CNTN3: variants seen among roughly 807,000 people sequenced by gnomAD.
CNTN3 encodes the protein contactin 3, also known as contactin-3.
A neutral mutation model predicts 119.1 loss-of-function variants in CNTN3; 60 were observed. The ratio of observed to expected loss-of-function variants is 0.50; its 90% CI spans 0.41 to 0.62. The LOEUF (loss-of-function observed/expected upper bound fraction) is 0.62, where lower values mean the gene tolerates loss of function less well. Among genes scored for constraint, CNTN3 ranks in the 20% least tolerant of loss-of-function variants. The pLI, the probability that CNTN3 is intolerant of heterozygous loss-of-function variation, is 0.00. For synonymous variants in CNTN3, 450 were observed against 438.7 expected, an observed-to-expected ratio of 1.03 and a Z score of -0.32; for missense variants, 1,101 against 1,242.4, an observed-to-expected ratio of 0.89 and a Z score of 1.71.
At chr3:74,529,971 GT>G (rs1490652474) in intron 1 of CNTN3, among the ~76,000 whole-genome samples, 1 of 151,724 alleles carries the variant, frequency 6.6e-6, no homozygotes, top group Admixed American at 6.6e-5. Context: ...CTGAAATAGA[GT>G]TTCAACACTG....
intron 5 of CNTN3, among the ~76,000 whole-genome samples, chr3:74,424,190 C>T (rs1442814553): frequency 6.6e-6 from 1 of 152,016 alleles, no homozygotes; most frequent in African/African-American, 2.4e-5. Flanking sequence ...AAAATCAAAC[C>T]AGCACCCCAG....
At chr3:74,326,668 T>A (rs865916222) in intron 13 of CNTN3, among the ~76,000 whole-genome samples, 17 of 152,064 alleles carry the variant, frequency 1.1e-4, no homozygotes, top group Non-Finnish European at 2.5e-4. Flanking sequence ...AAATTTAGAG[T>A]TGATACTATT....
At chr3:74,568,855 G>C (rs1704266113) in intron 1 of CNTN3, among the ~76,000 whole-genome samples, 2 of 152,336 alleles carry the variant, frequency 1.3e-5, no homozygotes, top group South Asian at 4.1e-4. Flanking sequence ...AGCCATTGGT[G>C]AGTTGTCTTG....
At chr3:74,457,553 G>T (rs1463136512) in intron 4 of CNTN3, among the ~76,000 whole-genome samples, 1 of 151,974 alleles carries the variant, frequency 6.6e-6, no homozygotes, top group African/African-American at 2.4e-5. Flanking sequence ...AATGTTATTT[G>T]TAGTATAGCG....
At chr3:74,308,513 T>C (rs916594342) in intron 13 of CNTN3, among the ~76,000 whole-genome samples, 5 of 152,214 alleles carry the variant, frequency 3.3e-5, no homozygotes, top group Non-Finnish European at 7.3e-5. Context: ...AAAAACTTGG[T>C]TGAAGGCACT....
rs77023093 is a variant in CNTN3, at chr3:74,531,638, G to A, written c.-80-10446C>T. Among the ~76,000 whole-genome samples, 612 of 152,084 alleles carry A rather than the reference G, an allele frequency of 4.0e-3. 6 individuals are homozygous for A. Among genetic ancestry groups the A allele is most frequent in the African/African-American group, 0.014 (593 of 41,524 alleles). On this transcript the variant is annotated intron_variant, in intron 1 of 22. Transcript: ENST00000263665. ...AGCACTGGGCCGAGGGAGAAGGTTA[G>A]AGAAACCCAACGGTTAAGGGTGTGA...
chr3:74,450,744 T>C (rs1702137010), intron 4 of CNTN3, among the ~76,000 whole-genome samples: 1 of 145,556 alleles, frequency 6.9e-6, no homozygotes, highest in Non-Finnish European at 1.5e-5. Flanking sequence ...TTCCCACCTA[T>C]GAGTGAGAAT....
At chr3:74,415,894 T>C (rs775722322) in intron 5 of CNTN3, among the ~76,000 whole-genome samples, 2 of 152,074 alleles carry the variant, frequency 1.3e-5, no homozygotes, top group Non-Finnish European at 2.9e-5. Flanking sequence ...AATATCAAAC[T>C]CCCAGGAGAC....
At chr3:74,539,277 G>A (rs1019746179) in intron 1 of CNTN3, among the ~76,000 whole-genome samples, 2 of 152,070 alleles carry the variant, frequency 1.3e-5, no homozygotes, top group African/African-American at 2.4e-5. Context: ...GAATATTGGT[G>A]CTAAGAAATG....
Position 74,295,224 on chromosome 3 carries a change from G to A in CNTN3, c.2414C>T (p.Ala805Val), listed in dbSNP as rs1204050176. The A allele has an allele frequency of 6.3e-7, 1 of 1,595,568 alleles. No homozygotes were observed. The highest frequency in any genetic ancestry group is 8.6e-7 in the Non-Finnish European group (1 of 1,163,646). ...GCTATTTGCAGAGACTTGAGATGGG[G>A]CCACTGTAGGCTCTGTTCGGAAACA... ...VFSAEEEPTV[A>V]PSQVSANSLS... Residue 805 changes from alanine to valine, a missense_variant, in exon 19 of 23, where the codon GCC (alanine) becomes GTC (valine). By Grantham distance (64) the Ala-to-Val change is moderately conservative (BLOSUM62 0). Coordinates refer to ENST00000263665, the MANE Select transcript of CNTN3 (RefSeq NM_020872.3).
chr3:74,319,433 T>C (rs868514475), intron 13 of CNTN3, among the ~76,000 whole-genome samples: 2 of 152,110 alleles, frequency 1.3e-5, no homozygotes, highest in African/African-American at 4.8e-5. Context: ...CCCTATTTAA[T>C]AAATGGTGCT....
chr3:74,318,585 G>A (rs1484598802), intron 13 of CNTN3, among the ~76,000 whole-genome samples: 1 of 152,134 alleles, frequency 6.6e-6, no homozygotes, highest in African/African-American at 2.4e-5. Context: ...TGTTGGAGTT[G>A]GAGTTTGCTA....
intron 1 of CNTN3, among the ~76,000 whole-genome samples, chr3:74,567,345 A>T (rs1704243751): frequency 3.0e-5 from 2 of 67,440 alleles, no homozygotes; most frequent in South Asian, 4.6e-4. Flanking sequence ...TTTTTTGTAG[A>T]GAGGGGGTCT....
Position 74,295,148 on chromosome 3 carries a change from C to T in CNTN3, c.2490G>A (p.Leu830=). Residue 830 remains leucine, a synonymous_variant, in exon 19 of 23, where the codon TTG becomes TTA. Transcript: ENST00000263665. ...CATAGCCCAGTAAATGTCCATTGCT[C>T]AACTTCCAAGGAATGGTGTTCCATG... ...EVSWNTIPWK[L]SNGHLLGYEV... 1 of 1,612,316 alleles carries T rather than the reference C, an allele frequency of 6.2e-7. No individual in the cohort carries two copies. Among genetic ancestry groups the T allele is most frequent in the Middle Eastern group, 1.7e-4 (1 of 6,058 alleles).
intron 13 of CNTN3, among the ~76,000 whole-genome samples, chr3:74,307,550 AGAT>A (rs1702590427): frequency 6.6e-6 from 1 of 152,184 alleles, no homozygotes; most frequent in Non-Finnish European, 1.5e-5. Context: ...GTATTTTCTT[AGAT>A]GATGACACTA....
chr3:74,553,645 A>G (rs1044313282), intron 1 of CNTN3, among the ~76,000 whole-genome samples: 4 of 152,228 alleles, frequency 2.6e-5, no homozygotes, highest in South Asian at 4.1e-4. Context: ...GCGTGAGATG[A>G]TATCTCATTG....
chr3:74,545,663 G>A (rs1703903613), intron 1 of CNTN3, among the ~76,000 whole-genome samples: 1 of 152,140 alleles, frequency 6.6e-6, no homozygotes, highest in African/African-American at 2.4e-5. Flanking sequence ...TCTGATACAG[G>A]ATAATCTTTA....
At chr3:74,530,972 C>T (rs1703685414) in intron 1 of CNTN3, among the ~76,000 whole-genome samples, 1 of 151,962 alleles carries the variant, frequency 6.6e-6, no homozygotes, top group African/African-American at 2.4e-5. Context: ...TAAGCCACTG[C>T]AACAGGATCC....
chr3:74,593,765 G>GCTGCTT (rs1411874865), intron 1 of CNTN3, among the ~76,000 whole-genome samples: 1 of 151,956 alleles, frequency 6.6e-6, no homozygotes, highest in Non-Finnish European at 1.5e-5. Context: ...AATATTAGCT[G>GCTGCTT]CTGCTTTTAT....
Sources: allele counts gnomAD v4.1 joint callset (sites outside exome capture counted in the v4.1 genomes callset), GRCh38; gene constraint gnomAD v4.1.1; transcripts MANE v1.5; gene names NCBI Gene and HGNC (gene_info 2026-07-23, HGNC 2026-07-21).